Variants in UGT1A9 observed in about 807,000 individuals in gnomAD.
UGT1A9 encodes the protein UDP-glucuronosyltransferase 1A9.
Under a neutral mutation model 45.0 loss-of-function variants are expected in UGT1A9, and 35 were observed. The observed-to-expected ratio is 0.78, with a 90% CI of 0.59 to 1.03. UGT1A9 has a LOEUF of 1.03. UGT1A9 is among the 50% of genes least tolerant of loss of function. The probability of loss-of-function intolerance (pLI) is 0.00; values close to 1 mark genes in which losing one functional copy is unlikely to be tolerated. For missense variants in UGT1A9, 687 were observed against 666.6 expected (o/e 1.03, Z -0.34); for synonymous variants, 278 against 250.6 (o/e 1.11, Z -1.03).
intron 1 of UGT1A9, among the ~76,000 whole-genome samples, chr2:233,674,626 C>T (rs1048652149): frequency 7.0e-5 from 10 of 143,878 alleles, no homozygotes; most frequent in Non-Finnish European, 1.2e-4. Flanking sequence ...TATATGGTTT[C>T]ATTTATTTTG....
chr2:233,747,014 C>A (rs774665109), intron 1 of UGT1A9, among the ~76,000 whole-genome samples: 1 of 151,838 alleles, frequency 6.6e-6, no homozygotes, highest in Non-Finnish European at 1.5e-5. Context: ...TAGGAGTGAT[C>A]GGTCTTTCCC....
At chr2:233,759,555 T>TC (rs1410199038) in intron 1 of UGT1A9, among the ~76,000 whole-genome samples, 12 of 152,242 alleles carry the variant, frequency 7.9e-5, no homozygotes, top group Middle Eastern at 6.8e-3. Context: ...CCAGTGAATT[T>TC]CCCTTTCTGG....
At chr2:233,674,765 G>A (rs1022130512) in intron 1 of UGT1A9, among the ~76,000 whole-genome samples, 3 of 152,182 alleles carry the variant, frequency 2.0e-5, no homozygotes, top group Admixed American at 6.5e-5. Context: ...GACTATACGT[G>A]TAAAGCCAGC....
At chr2:233,682,616 G>A in intron 1 of UGT1A9, 2 of 1,613,848 alleles carry the variant, frequency 1.2e-6, no homozygotes, top group Non-Finnish European at 1.7e-6. Context: ...TTTCAAAAAT[G>A]TCTTAGAAAT....
chr2:233,767,851 C>G lies in UGT1A9; in HGVS notation c.990C>G (p.Val330=), dbSNP rs752058783. 1 of 1,614,170 alleles carries G rather than the reference C, an allele frequency of 6.2e-7. No individual in the cohort carries two copies. Among genetic ancestry groups the G allele is most frequent in the Non-Finnish European group, 8.5e-7 (1 of 1,180,036 alleles). ...ADALGKIPQT[V]LWRYTGTRPS... Reference sequence around the variant, plus strand: ...TCTGCTCTTTTTGCCCCTCCCAGGTCCTGTGGCGGTACACTGGAACCCGAC... The same window carrying G: ...TCTGCTCTTTTTGCCCCTCCCAGGTGCTGTGGCGGTACACTGGAACCCGAC... The change falls in exon 3 of 5, where the codon GTC becomes GTG. Residue 330 remains valine (V), a splice_region_variant and synonymous_variant. Transcript: ENST00000354728.
Position 233,772,649 on chromosome 2 carries a change from C to A in UGT1A9, c.*90C>A, listed in dbSNP as rs1644667767. The A allele has an allele frequency of 3.2e-6, 5 of 1,548,118 alleles. No individual in the cohort carries two copies. In the Admixed American group the frequency reaches 5.9e-5, roughly 18 times the overall value. On this transcript the variant is annotated 3_prime_UTR_variant, in exon 5 of 5. Coordinates refer to ENST00000354728, the MANE Select transcript of UGT1A9 (RefSeq NM_021027.3). Reference sequence around the variant, plus strand: ...GAATCAGTGTTAAATTCATTTTATTCTTATTAAGGAAATACTTTGCATAAA... The same window carrying A: ...GAATCAGTGTTAAATTCATTTTATTATTATTAAGGAAATACTTTGCATAAA...
intron 1 of UGT1A9, chr2:233,717,875 A>G: frequency 2.2e-6 from 1 of 454,872 alleles, no homozygotes; most frequent in Non-Finnish European, 4.4e-6. Flanking sequence ...GACTTGGAGA[A>G]AAGCCTGGCC....
intron 1 of UGT1A9, among the ~76,000 whole-genome samples, chr2:233,762,481 T>G (rs948381917): frequency 6.6e-6 from 1 of 152,238 alleles, no homozygotes. Flanking sequence ...ATCACTCCAG[T>G]TTTAAATGCT....
chr2:233,757,562 G>GTATATATATATATATATA (rs1491042837), intron 1 of UGT1A9, among the ~76,000 whole-genome samples: 1 of 90,870 alleles, frequency 1.1e-5, no homozygotes, highest in Non-Finnish European at 2.1e-5. Context: ...ATATATATAT[G>GTATATATATATATATATA]TATATATGAT....
rs1005188679 is a variant in UGT1A9, at chr2:233,769,324, T to C, written c.1295+885T>C. 3.9e-5 allele frequency among the ~76,000 whole-genome samples: 6 copies of C among 152,244 alleles called. No individual in the cohort carries two copies. Among genetic ancestry groups the C allele is most frequent in the African/African-American group, 1.4e-4 (6 of 41,472 alleles). On this transcript the variant is annotated intron_variant, in intron 4 of 4. Coordinates refer to ENST00000354728, the MANE Select transcript of UGT1A9 (RefSeq NM_021027.3). This position sits in a 1 kb window ranked among gnomAD's most constrained non-coding sequence, Gnocchi z 4.4. ...ATATTACTGTCAAGCTCACTGGTAA[T>C]AGGCTTATTAGAACCTTATGGGAAG...
At chr2:233,693,700 C>T (rs536034017) in intron 1 of UGT1A9, 39 of 1,614,174 alleles carry the variant, frequency 2.4e-5, no homozygotes, top group Non-Finnish European at 2.7e-5. Flanking sequence ...ATGAAGAACT[C>T]GCATCAGCTG....
chr2:233,713,095 C>T (rs2076277605), intron 1 of UGT1A9: 1 of 1,614,166 alleles, frequency 6.2e-7, no homozygotes, highest in Non-Finnish European at 8.5e-7. Flanking sequence ...CTGGTGGTGC[C>T]CACTGATGGC....
At chr2:233,690,755 A>G (rs912560309) in intron 1 of UGT1A9, 32 of 1,132,230 alleles carry the variant, frequency 2.8e-5, no homozygotes, top group Non-Finnish European at 3.5e-5. Context: ...TGTCCAGTGC[A>G]GACATACACA....
chr2:233,680,635 C>T (rs2074493231), intron 1 of UGT1A9, among the ~76,000 whole-genome samples: 1 of 152,090 alleles, frequency 6.6e-6, no homozygotes, highest in South Asian at 2.1e-4. Context: ...AATGAGAATT[C>T]CCATGGACTT....
At chr2:233,700,602 C>G (rs2075575052) in intron 1 of UGT1A9, among the ~76,000 whole-genome samples, 1 of 151,936 alleles carries the variant, frequency 6.6e-6, no homozygotes, top group Non-Finnish European at 1.5e-5. Context: ...ACAATTCACT[C>G]TTTTTTTGGG....
In UGT1A9 at chr2:233,772,555, A is replaced by C. The variant is rs1350310639; in HGVS notation, c.1589A>C (p.His530Pro). 3 of 1,613,990 alleles carry C rather than the reference A, an allele frequency of 1.9e-6. No homozygotes were observed. Among genetic ancestry groups the C allele is most frequent in the East Asian group, 4.5e-5 (2 of 44,878 alleles). Residue 530 changes from histidine (H) to proline (P), a missense_variant, in exon 5 of 5, where the codon CAT becomes CCT. By Grantham distance (77) the His-to-Pro change is moderately conservative (BLOSUM62 -2). Coordinates refer to ENST00000354728, the MANE Select transcript of UGT1A9 (RefSeq NM_021027.3). ...AAGAAAGCCCACAAATCCAAGACCCATTGAGAAGTGGGTGGGAAATAAGGT... is the reference window on the plus strand; with the variant it reads ...AAGAAAGCCCACAAATCCAAGACCCCTTGAGAAGTGGGTGGGAAATAAGGT... Reference protein sequence around the residue: ...RVKKAHKSKTH With the variant: ...RVKKAHKSKTP
chr2:233,685,511 A>G (rs1382133056), intron 1 of UGT1A9, among the ~76,000 whole-genome samples: 1 of 152,220 alleles, frequency 6.6e-6, no homozygotes, highest in Admixed American at 6.5e-5. Context: ...GCAAGAAAAG[A>G]TCTATGCTTT....
intron 1 of UGT1A9, among the ~76,000 whole-genome samples, chr2:233,674,671 G>A (rs2074292334): frequency 6.6e-6 from 1 of 152,158 alleles, no homozygotes; most frequent in Non-Finnish European, 1.5e-5. Flanking sequence ...TGAAATAAAT[G>A]TGTTTATGTG....
At chr2:233,748,060 A>G in intron 1 of UGT1A9, 2 of 1,613,404 alleles carry the variant, frequency 1.2e-6, no homozygotes, top group Non-Finnish European at 1.7e-6. Flanking sequence ...AACTGTGCCA[A>G]CAGGAAGCCA....
Sources: allele counts gnomAD v4.1 joint callset (sites outside exome capture counted in the v4.1 genomes callset), GRCh38; gene constraint gnomAD v4.1.1; non-coding constraint Gnocchi (gnomAD v3.1); transcripts MANE v1.5; gene names NCBI Gene and HGNC (gene_info 2026-07-23, HGNC 2026-07-21).